PTPRH: variants seen among roughly 807,000 people sequenced by gnomAD.
PTPRH encodes protein tyrosine phosphatase receptor type H, also known as receptor-type tyrosine-protein phosphatase H.
In PTPRH, 113 loss-of-function variants were observed where a neutral mutation model predicts 130.2. The ratio of observed to expected loss-of-function variants is 0.87; its 90% confidence interval spans 0.75 to 1.01. The LOEUF is 1.01. Among genes scored for constraint, PTPRH ranks in the 50% least tolerant of loss-of-function variants. The pLI, the probability that PTPRH is intolerant of heterozygous loss-of-function variation, is 0.00. For missense variants in PTPRH, 1,430 were observed against 1,425.0 expected (o/e 1.00, Z -0.06); for synonymous variants, 556 against 577.9 (o/e 0.96, Z 0.54).
rs1240106880 is a variant in PTPRH, at chr19:55,209,011, G to A, written c.51+372C>T. Among the ~76,000 whole-genome samples, 2 of 150,248 alleles carry A rather than the reference G, an allele frequency of 1.3e-5. No homozygotes were observed. Among genetic ancestry groups the A allele is most frequent in the East Asian group, 1.9e-4 (1 of 5,132 alleles). ...TCTGAGGGAGGAGGGGCTGGGGTCT[G>A]GACTCTTGGTTTGAGGGAGGAGGGG... is the stretch of plus-strand genomic sequence containing the variant. On this transcript the variant is annotated intron_variant, in intron 1 of 19. Coordinates refer to ENST00000376350, the MANE Select transcript of PTPRH (RefSeq NM_002842.5). This position sits in a 1 kb window ranked among gnomAD's most constrained non-coding sequence, Gnocchi z 4.1.
chr19:55,189,154 T>G (rs2086451892), intron 12 of PTPRH, among the ~76,000 whole-genome samples: 1 of 152,000 alleles, frequency 6.6e-6, no homozygotes, highest in Non-Finnish European at 1.5e-5. Context: ...CCCGGCTAAT[T>G]TTTGTATTTT....
chr19:55,194,356 A>T, intron 10 of PTPRH: 1 of 1,226,658 alleles, frequency 8.2e-7, no homozygotes, highest in Non-Finnish European at 1.0e-6. Context: ...TGTACGGGAG[A>T]CTTGGCCTCA....
At position 55,204,009 on chromosome 19, in the gene PTPRH, G is replaced by T. The variant is rs1433024366; in HGVS notation, c.659C>A (p.Thr220Asn). Residue 220 changes from threonine (T) to asparagine (N), a missense_variant, in exon 5 of 20, where the codon ACC (threonine) becomes AAC (asparagine). Physicochemically the swap from Thr to Asn is moderately conservative, Grantham distance 65 (BLOSUM62 0). Coordinates refer to ENST00000376350, the MANE Select transcript of PTPRH (RefSeq NM_002842.5). ...CCAGCTCAGGGAGATGGAGCTGGTG[G>T]TCTGAGCCTCCACTCTCAGGTTCCT... ...PVRNLRVEAQ[T>N]TSSISLSWEV... 1 of 1,614,158 alleles carries T rather than the reference G, an allele frequency of 6.2e-7. No individual in the cohort carries two copies. The highest frequency in any genetic ancestry group is 1.7e-5 in the Admixed American group (1 of 60,030).
Position 55,186,126 on chromosome 19 carries a change from C to G in PTPRH, c.2778+99G>C, listed in dbSNP as rs1044479663. 5.7e-6 allele frequency: 9 copies of G among 1,570,258 alleles called. No homozygotes were observed. In the African/African-American group the frequency reaches 1.1e-4, roughly 19 times the overall value. On this transcript the variant is annotated intron_variant, in intron 16 of 19. Transcript: ENST00000376350. ...TACACTGAAGACGCCTGGGGTTACCCTGGAGGAATCCGTAAGGTCTGGGTG... is the reference window on the plus strand; with the variant it reads ...TACACTGAAGACGCCTGGGGTTACCGTGGAGGAATCCGTAAGGTCTGGGTG...
intron 1 of PTPRH, among the ~76,000 whole-genome samples, chr19:55,207,852 T>C (rs1319483028): frequency 1.9e-4 from 6 of 31,476 alleles, no homozygotes; most frequent in Non-Finnish European, 5.5e-5. Context: ...GACCTCTGGT[T>C]TGAGGGAGGA....
Position 55,186,119 on chromosome 19 carries a change from G to C in PTPRH, c.2778+106C>G. On this transcript the variant is annotated intron_variant, in intron 16 of 19. Coordinates refer to ENST00000376350, the MANE Select transcript of PTPRH (RefSeq NM_002842.5). ...ACAGGTCTACACTGAAGACGCCTGGGGTTACCCTGGAGGAATCCGTAAGGT... is the reference window on the plus strand; with the variant it reads ...ACAGGTCTACACTGAAGACGCCTGGCGTTACCCTGGAGGAATCCGTAAGGT... The C allele has an allele frequency of 1.9e-6, 3 of 1,572,236 alleles. No individual in the cohort carries two copies. The African/African-American group carries it at 4.0e-5, about 21-fold the overall frequency.
rs532570606 is a variant in PTPRH at position 55,187,301 on chromosome 19, C to T, written c.2566+212G>A. ...CGGAGCTTGCAGTGAGCCGAGATCG[C>T]GCCACTGCACTCCAGCCTGGGTGAC... On this transcript the variant is annotated intron_variant, in intron 14 of 19. Coordinates refer to ENST00000376350, the MANE Select transcript of PTPRH (RefSeq NM_002842.5). Among the ~76,000 whole-genome samples the T allele has an allele frequency of 5.2e-3, 617 of 118,986 alleles. 15 individuals carry two copies. The highest frequency in any genetic ancestry group is 0.02 in the African/African-American group (569 of 28,500). 78.1% of individuals were successfully genotyped at this position (118,986 alleles called of 152,430 possible). A position where few individuals can be genotyped will look rare whatever the true frequency, so the allele number is the denominator to read the frequency against.
intron 4 of PTPRH, 51 bp from the exon 5 acceptor site, chr19:55,204,099 C>T (rs45465891): frequency 0.12 from 181,872 of 1,511,936 alleles, 11,658 homozygotes; most frequent in African/African-American, 0.16. Context: ...CAGAACATAA[C>T]GGGGGCAGCC....
chr19:55,182,568 TC>T (rs1264705988), intron 18 of PTPRH, among the ~76,000 whole-genome samples: 3 of 152,142 alleles, frequency 2.0e-5, no homozygotes, highest in African/African-American at 7.2e-5. Context: ...TGGAGTTCCT[TC>T]CATCTGTTAG....
intron 16 of PTPRH, 59 bp from the exon 17 acceptor site, chr19:55,186,043 G>C: frequency 6.2e-7 from 1 of 1,610,812 alleles, no homozygotes. Flanking sequence ...TGTGGGGTCT[G>C]CTTTAGGCCC....
intron 12 of PTPRH, among the ~76,000 whole-genome samples, chr19:55,190,816 A>C (rs1462996363): frequency 2.0e-5 from 3 of 150,070 alleles, no homozygotes; most frequent in Non-Finnish European, 4.4e-5. Flanking sequence ...TTTATATCAT[A>C]TTTTTTATGA....
chr19:55,200,628 T>A, intron 6 of PTPRH, 126 bp from the exon 7 acceptor site: 1 of 1,083,758 alleles, frequency 9.2e-7, no homozygotes, highest in Non-Finnish European at 1.3e-6. Context: ...AGATGCAGGG[T>A]GTATGTTCTA....
rs754481794 is a variant in PTPRH at position 55,202,269 on chromosome 19, C to T, written c.940G>A (p.Ala314Thr). The T allele has an allele frequency of 1.9e-5, 30 of 1,614,058 alleles. 1 individual carries two copies. The highest frequency in any genetic ancestry group is 5.5e-5 in the South Asian group (5 of 91,084). The change falls in exon 6 of 20, where the codon GCC (alanine) becomes ACC (threonine). Residue 314 changes from alanine to threonine, a missense_variant. Transcript: ENST00000376350. ...CCATCGGGGACCTCCCAGGTCAGGGCGATGGAGCTGTTGGTCTGAGCCTCC... is the reference window on the plus strand; with the variant it reads ...CCATCGGGGACCTCCCAGGTCAGGGTGATGGAGCTGTTGGTCTGAGCCTCC... ...TVEAQTNSSI[A>T]LTWEVPDGPD...
chr19:55,207,117 C>T (rs1305982262), intron 2 of PTPRH, 49 bp downstream of exon 2: 34 of 1,608,372 alleles, frequency 2.1e-5, no homozygotes, highest in Non-Finnish European at 2.4e-5. Flanking sequence ...ACGGCAGTTG[C>T]GGTCCCACCT....
chr19:55,188,704 C>T (rs1397959784), intron 12 of PTPRH, among the ~76,000 whole-genome samples: 1 of 152,104 alleles, frequency 6.6e-6, no homozygotes, highest in East Asian at 1.9e-4. Context: ...TCTGTAATTG[C>T]AAAGGCCACG....
At chr19:55,205,643 C>T (rs2087025283) in intron 3 of PTPRH, 51 bp from the exon 4 acceptor site, 6 of 1,600,068 alleles carry the variant, frequency 3.7e-6, no homozygotes, top group South Asian at 1.1e-5. Context: ...GGCCCTCAAA[C>T]TTTCCAGCCC....
intron 7 of PTPRH, among the ~76,000 whole-genome samples, chr19:55,199,603 T>A (rs755465776): frequency 7.3e-6 from 1 of 137,696 alleles, no homozygotes; most frequent in Non-Finnish European, 1.5e-5. Context: ...AAACTCTGTC[T>A]CAAGAAAGAA....
At chr19:55,203,171 C>CA (rs745874565) in intron 5 of PTPRH, among the ~76,000 whole-genome samples, 10 of 148,762 alleles carry the variant, frequency 6.7e-5, no homozygotes, top group East Asian at 2.1e-4. Flanking sequence ...ACTAAAAATA[C>CA]AAAAAATTAG....
In PTPRH at chr19:55,204,058, T is replaced by C. The variant is rs76488752; in HGVS notation, c.620-10A>G. Reference sequence around the variant, plus strand: ...CTCACTGGGTTGTGAGCTGAGAAATTAGGAAGAAAGATCTAATATGAGCAG... The same window carrying C: ...CTCACTGGGTTGTGAGCTGAGAAATCAGGAAGAAAGATCTAATATGAGCAG... On this transcript the variant is annotated splice_polypyrimidine_tract_variant and intron_variant, in intron 4 of 19. Transcript: ENST00000376350. The C allele has an allele frequency of 4.6e-4, 745 of 1,606,050 alleles. 8 individuals are homozygous for C. The African/African-American group carries it at 9.2e-3, about 20-fold the overall frequency.
Sources: allele counts gnomAD v4.1 joint callset (sites outside exome capture counted in the v4.1 genomes callset), GRCh38; gene constraint gnomAD v4.1.1; non-coding constraint Gnocchi (gnomAD v3.1); transcripts MANE v1.5; gene names NCBI Gene and HGNC (gene_info 2026-07-23, HGNC 2026-07-21).